Variants in C7orf33 observed in about 807,000 individuals in gnomAD.
C7orf33 encodes chromosome 7 open reading frame 33, also known as uncharacterized protein C7orf33.
A neutral mutation model predicts 13.4 loss-of-function variants in C7orf33; 15 were observed. The observed-to-expected ratio is 1.12, with a 90% CI of 0.75 to 1.72. The LOEUF is 1.72. C7orf33 is among the 40% of genes most tolerant of loss of function. C7orf33 has a pLI of 0.00. For missense variants in C7orf33, 187 were observed against 220.3 expected (o/e 0.85, Z 0.96); for synonymous variants, 73 against 83.2 (o/e 0.88, Z 0.67).
intron 1 of C7orf33, among the ~76,000 whole-genome samples, chr7:148,595,123 G>A (rs984013362): frequency 6.6e-6 from 1 of 151,516 alleles, no homozygotes; most frequent in African/African-American, 2.4e-5. Flanking sequence ...AGGCTGGAGT[G>A]CAGTGGCACA....
chr7:148,608,345 G>A lies in C7orf33; in HGVS notation c.205-5697G>A, dbSNP rs772236807. 2.6e-4 allele frequency among the ~76,000 whole-genome samples: 40 copies of A among 152,094 alleles called. 1 individual carries two copies. Among genetic ancestry groups the A allele is most frequent in the East Asian group, 1.6e-3 (8 of 5,152 alleles). On this transcript the variant is annotated intron_variant, in intron 1 of 2. Transcript: ENST00000307003. The stretch of plus-strand genomic sequence containing the variant: ...CTTGGGAAGCTGAGGCAGGAGAATC[G>A]CTTGAACCCAGGAGGCGGAGGTTGC...
At position 148,601,477 on chromosome 7, in the gene C7orf33, C is replaced by T. The variant is rs563040863; in HGVS notation, c.204+10348C>T. ...CCTCCCACCTCAGCCTCCCAAGTAG[C>T]TAGGACTTCAGGCATGTACCACCAC... On this transcript the variant is annotated intron_variant, in intron 1 of 2. Coordinates refer to ENST00000307003, the MANE Select transcript of C7orf33 (RefSeq NM_145304.4). Among the ~76,000 whole-genome samples the T allele has an allele frequency of 9.2e-5, 14 of 151,896 alleles. No homozygotes were observed. In the East Asian group the frequency reaches 2.7e-3, roughly 30 times the overall value.
At chr7:148,602,923 T>A (rs1170706222) in intron 1 of C7orf33, among the ~76,000 whole-genome samples, 3 of 152,208 alleles carry the variant, frequency 2.0e-5, no homozygotes, top group East Asian at 1.9e-4. Flanking sequence ...CCTTTCCAGA[T>A]TCCTACAGGA....
intron 1 of C7orf33, among the ~76,000 whole-genome samples, chr7:148,606,535 T>C (rs991847433): frequency 3.3e-5 from 5 of 152,086 alleles, no homozygotes; most frequent in Non-Finnish European, 7.4e-5. Context: ...CAAAATCATG[T>C]GTAGGGGAAG....
At chr7:148,599,246 C>T (rs772637014) in intron 1 of C7orf33, among the ~76,000 whole-genome samples, 10 of 152,052 alleles carry the variant, frequency 6.6e-5, no homozygotes, top group African/African-American at 2.4e-4. Flanking sequence ...TACCTAATAT[C>T]GTAGTGTTAA....
intron 1 of C7orf33, among the ~76,000 whole-genome samples, chr7:148,609,367 A>C (rs1796510996): frequency 6.6e-6 from 1 of 152,246 alleles, no homozygotes; most frequent in Non-Finnish European, 1.5e-5. Flanking sequence ...AAACAATGGC[A>C]GGGCATATGG....
chr7:148,595,673 T>TATAATA (rs920392018), intron 1 of C7orf33, among the ~76,000 whole-genome samples: 10 of 111,700 alleles, frequency 9.0e-5, no homozygotes, highest in Non-Finnish European at 1.6e-4. Context: ...ATTATATAGA[T>TATAATA]ATAATATAGA....
intron 1 of C7orf33, among the ~76,000 whole-genome samples, chr7:148,598,704 AT>A (rs1405001473): frequency 1.4e-5 from 2 of 141,708 alleles, no homozygotes; most frequent in Non-Finnish European, 3.0e-5. Flanking sequence ...ATGTATATAT[AT>A]AAAAAAAATT....
intron 1 of C7orf33, among the ~76,000 whole-genome samples, chr7:148,597,724 C>G (rs1796356241): frequency 6.9e-6 from 1 of 143,976 alleles, no homozygotes; most frequent in Non-Finnish European, 1.6e-5. Context: ...CATTCCCTTC[C>G]TCTGCATTTG....
rs1480425561 is a variant in C7orf33, at chr7:148,615,536, T to C, written c.*135T>C. 6.7e-6 allele frequency: 4 copies of C among 595,706 alleles called. No individual in the cohort carries two copies. The highest frequency in any genetic ancestry group is 3.4e-4 in the Middle Eastern group (1 of 2,924). 36.9% of individuals were successfully genotyped at this position (595,706 alleles called of 1,614,324 possible). A position where few individuals can be genotyped will look rare whatever the true frequency, so the allele number is the denominator to read the frequency against. ...AAACTTGGTAATCTGAAGTCTGAACTTTGAACACCAGCAGACAGGCTGAGA... is the reference window on the plus strand; with the variant it reads ...AAACTTGGTAATCTGAAGTCTGAACCTTGAACACCAGCAGACAGGCTGAGA... On this transcript the variant is annotated 3_prime_UTR_variant, in exon 3 of 3. Transcript: ENST00000307003.
At chr7:148,606,199 T>C (rs1440783634) in intron 1 of C7orf33, among the ~76,000 whole-genome samples, 2 of 152,240 alleles carry the variant, frequency 1.3e-5, no homozygotes, top group Non-Finnish European at 1.5e-5. Context: ...GGCAAGTTTT[T>C]AGACAGTTAC....
At position 148,614,033 on chromosome 7, in the gene C7orf33, T is replaced by C; in HGVS notation, c.205-9T>C. On this transcript the variant is annotated splice_polypyrimidine_tract_variant and intron_variant, in intron 1 of 2. Coordinates refer to ENST00000307003, the MANE Select transcript of C7orf33 (RefSeq NM_145304.4). ...TAACCCAATTTGTTTGTTTGTTTGTTTTTTCCAGAAGCCAAACCCACACCA... is the reference window on the plus strand; with the variant it reads ...TAACCCAATTTGTTTGTTTGTTTGTCTTTTCCAGAAGCCAAACCCACACCA... 1 of 1,611,328 alleles carries C rather than the reference T, an allele frequency of 6.2e-7. No homozygotes were observed. The highest frequency in any genetic ancestry group is 8.5e-7 in the Non-Finnish European group (1 of 1,177,802).
At chr7:148,613,245 G>A (rs1796565233) in intron 1 of C7orf33, among the ~76,000 whole-genome samples, 1 of 152,140 alleles carries the variant, frequency 6.6e-6, no homozygotes, top group African/African-American at 2.4e-5. Flanking sequence ...GGGAACATGT[G>A]GTATTTATCT....
At chr7:148,606,925 A>T (rs1481294885) in intron 1 of C7orf33, among the ~76,000 whole-genome samples, 1 of 42,038 alleles carries the variant, frequency 2.4e-5, no homozygotes, top group Non-Finnish European at 7.3e-5. Context: ...CCCCATTTAA[A>T]AAAAAAATAC....
intron 1 of C7orf33, among the ~76,000 whole-genome samples, chr7:148,612,427 T>A (rs973891546): frequency 2.6e-5 from 4 of 152,232 alleles, no homozygotes; most frequent in African/African-American, 9.7e-5. Context: ...ATTAAAATCT[T>A]TTATGCTATA....
intron 1 of C7orf33, among the ~76,000 whole-genome samples, chr7:148,604,736 A>G (rs1796455002): frequency 1.3e-5 from 2 of 152,214 alleles, no homozygotes; most frequent in African/African-American, 4.8e-5. Flanking sequence ...AAGACACTTT[A>G]AAATAAACAG....
rs142194619 is a variant in C7orf33, at chr7:148,604,644, G to A, written c.205-9398G>A. 3.9e-3 allele frequency among the ~76,000 whole-genome samples: 592 copies of A among 152,250 alleles called. 13 individuals are homozygous for A. The East Asian group carries it at 0.068, about 17-fold the overall frequency. On this transcript the variant is annotated intron_variant, in intron 1 of 2. Coordinates refer to ENST00000307003, the MANE Select transcript of C7orf33 (RefSeq NM_145304.4). ...AGGTGATGGGTCCACCAGAATCTCA[G>A]AAATCACCACTTAAGAACTTATTCA...
chr7:148,593,628 A>G lies in C7orf33; in HGVS notation c.204+2499A>G, dbSNP rs563166417. Among the ~76,000 whole-genome samples the G allele has an allele frequency of 2.0e-5, 3 of 152,226 alleles. No individual in the cohort carries two copies. In the East Asian group the frequency reaches 5.8e-4, roughly 29 times the overall value. On this transcript the variant is annotated intron_variant, in intron 1 of 2. Transcript: ENST00000307003. The stretch of plus-strand genomic sequence containing the variant: ...ATAACATGTTTTAAAGTTAGTTTTT[A>G]TTTTAAATGTTAATTTGAAGTCAAA...
intron 1 of C7orf33, among the ~76,000 whole-genome samples, chr7:148,611,740 T>G: frequency 6.6e-6 from 1 of 152,248 alleles, no homozygotes; most frequent in East Asian, 1.9e-4. Context: ...CATCTGCAGA[T>G]GGCAAATCTG....
Sources: gnomAD v4.1 joint callset for allele counts (sites outside exome capture counted in the v4.1 genomes callset) on GRCh38, gnomAD v4.1.1 for gene constraint, MANE v1.5 for transcripts, NCBI Gene and HGNC (gene_info 2026-07-23, HGNC 2026-07-21) for gene names.